The following HSF2 variants were observed in gnomAD, a reference collection of about 807,000 sequenced individuals.
HSF2 encodes heat shock transcription factor 2.
In HSF2, 21 loss-of-function variants were observed where a neutral mutation model predicts 65.0. The ratio of observed to expected loss-of-function variants is 0.32; its 90% CI spans 0.23 to 0.47. The LOEUF (loss-of-function observed/expected upper bound fraction) is 0.47, where lower values mean the gene tolerates loss of function less well. Among genes scored for constraint, HSF2 ranks in the 20% least tolerant of loss-of-function variants. HSF2 has a pLI of 1.00. For synonymous variants in HSF2, 225 were observed against 219.1 expected, an observed-to-expected ratio of 1.03 and a Z score of -0.24; for missense variants, 499 against 628.1, an observed-to-expected ratio of 0.79 and a Z score of 2.20.
At chr6:122,420,854 G>A (rs1774220519) in intron 7 of HSF2, among the ~76,000 whole-genome samples, 1 of 150,528 alleles carries the variant, frequency 6.6e-6, no homozygotes, top group African/African-American at 2.4e-5. Flanking sequence ...TGGGACTATA[G>A]GTGTGTGCCA....
At chr6:122,400,137 G>T (rs969011942) in intron 1 of HSF2, among the ~76,000 whole-genome samples, 1 of 152,196 alleles carries the variant, frequency 6.6e-6, no homozygotes, top group South Asian at 2.1e-4. Context: ...GTCGCGAGGG[G>T]AATCGGCGAG....
chr6:122,422,402 C>T (rs1053920702), intron 8 of HSF2, 104 bp downstream of exon 8: 52 of 927,662 alleles, frequency 5.6e-5, no homozygotes, highest in Middle Eastern at 6.4e-4. Context: ...TAATCTTTCT[C>T]ACATTTGGAT....
At chr6:122,420,282 C>T (rs1317743639) in intron 7 of HSF2, 60 bp downstream of exon 7, 5 of 1,349,534 alleles carry the variant, frequency 3.7e-6, no homozygotes, top group Admixed American at 2.0e-5. Flanking sequence ...TTTATTATGG[C>T]AGTGTTTCAT....
At chr6:122,428,481 G>T (rs1774385901) in intron 11 of HSF2, among the ~76,000 whole-genome samples, 1 of 151,926 alleles carries the variant, frequency 6.6e-6, no homozygotes, top group South Asian at 2.1e-4. Flanking sequence ...CTTGGGCTTA[G>T]CAAGTGTTGA....
chr6:122,400,853 T>G (rs796940750), intron 1 of HSF2, among the ~76,000 whole-genome samples: 1 of 152,258 alleles, frequency 6.6e-6, no homozygotes, highest in African/African-American at 2.4e-5. Flanking sequence ...TGTGTAGTTC[T>G]TGAGAAGAAT....
At chr6:122,410,223 TAA>T (rs1332636356) in intron 1 of HSF2, among the ~76,000 whole-genome samples, 1 of 151,956 alleles carries the variant, frequency 6.6e-6, no homozygotes, top group African/African-American at 2.4e-5. Flanking sequence ...TTTTTTTAAT[TAA>T]GACAGAATTT....
intron 1 of HSF2, among the ~76,000 whole-genome samples, chr6:122,410,186 A>T (rs1423730573): frequency 6.6e-6 from 1 of 151,932 alleles, no homozygotes; most frequent in East Asian, 1.9e-4. Flanking sequence ...TTATGATAGC[A>T]TCAATTCATC....
In HSF2 at chr6:122,413,641, A is replaced by G. The variant is rs1168386120; in HGVS notation, c.447A>G (p.Glu149=). Residue 149 remains glutamate (E), a synonymous_variant, in exon 4 of 13, where the codon GAA becomes GAG. Transcript: ENST00000368455. ...AAACTATTGAGTCCAGGCTTTCTGAATTAAAAAGGTAAAGTGTTATTTCCA... is the reference window on the plus strand; with the variant it reads ...AAACTATTGAGTCCAGGCTTTCTGAGTTAAAAAGGTAAAGTGTTATTTCCA... ...KQETIESRLS[E]LKSENESLWK... 2 of 1,603,622 alleles carry G rather than the reference A, an allele frequency of 1.2e-6. No homozygotes were observed. The highest frequency in any genetic ancestry group is 1.7e-6 in the Non-Finnish European group (2 of 1,172,190).
At chr6:122,404,700 A>G (rs1773824708) in intron 1 of HSF2, among the ~76,000 whole-genome samples, 1 of 152,220 alleles carries the variant, frequency 6.6e-6, no homozygotes. Flanking sequence ...CTCACTCAGT[A>G]GTAGTTTTCT....
chr6:122,413,570 T>G lies in HSF2; in HGVS notation c.376T>G (p.Leu126Val), dbSNP rs765283128. The G allele has an allele frequency of 6.3e-7, 1 of 1,593,744 alleles. No homozygotes were observed. The highest frequency in any genetic ancestry group is 2.2e-5 in the East Asian group (1 of 44,696). Reference protein sequence around the residue: ...PEENKIRQEDLTKIISSAQKV... With the variant: ...PEENKIRQEDVTKIISSAQKV... ...AGAAAATAAAATTCGTCAGGAAGAT[T>G]TAACAAAAATTATAAGTAGTGCTCA... Residue 126 changes from leucine (L) to valine (V), a missense_variant, in exon 4 of 13, where the codon TTA (leucine) becomes GTA (valine). Coordinates refer to ENST00000368455, the MANE Select transcript of HSF2 (RefSeq NM_004506.4).
At chr6:122,400,542 C>G (rs1729452611) in intron 1 of HSF2, among the ~76,000 whole-genome samples, 1 of 152,156 alleles carries the variant, frequency 6.6e-6, no homozygotes, top group Admixed American at 6.5e-5. Context: ...CAGTTACCAG[C>G]AGAGGGGCAT....
intron 1 of HSF2, among the ~76,000 whole-genome samples, chr6:122,411,782 T>G (rs906941775): frequency 6.6e-6 from 1 of 151,922 alleles, no homozygotes; most frequent in Non-Finnish European, 1.5e-5. Context: ...TCTATATGTT[T>G]GTCAGTATGC....
intron 7 of HSF2, among the ~76,000 whole-genome samples, chr6:122,420,893 G>A (rs1774221230): frequency 6.6e-6 from 1 of 150,442 alleles, no homozygotes; most frequent in Admixed American, 6.6e-5. Context: ...TGTATATTTT[G>A]TAGTGATGGA....
At chr6:122,416,514 G>A (rs9375134) in intron 5 of HSF2, among the ~76,000 whole-genome samples, 1 of 152,116 alleles carries the variant, frequency 6.6e-6, no homozygotes, top group Admixed American at 6.5e-5. Flanking sequence ...CATACTCGCA[G>A]ATAATGTCTC....
chr6:122,406,658 CAATT>C (rs778380347), intron 1 of HSF2, among the ~76,000 whole-genome samples: 22 of 152,096 alleles, frequency 1.4e-4, no homozygotes, highest in Admixed American at 8.5e-4. Context: ...GGAGGAACGA[CAATT>C]AAAAATGATT....
At chr6:122,416,833 G>A (rs1329605637) in intron 5 of HSF2, among the ~76,000 whole-genome samples, 1 of 152,168 alleles carries the variant, frequency 6.6e-6, no homozygotes, top group Admixed American at 6.5e-5. Context: ...TATCTGAGCT[G>A]AAAATTTAAT....
chr6:122,410,120 C>G (rs1185316546), intron 1 of HSF2, among the ~76,000 whole-genome samples: 2 of 151,842 alleles, frequency 1.3e-5, no homozygotes, highest in African/African-American at 2.4e-5. Context: ...TCAATATTTT[C>G]TTTCCTGTTG....
chr6:122,400,296 A>G (rs1295224875), intron 1 of HSF2, among the ~76,000 whole-genome samples: 1 of 152,124 alleles, frequency 6.6e-6, no homozygotes, highest in Admixed American at 6.5e-5. Context: ...TCAGCGACCG[A>G]TCACCCCCAG....
At chr6:122,406,171 A>G (rs1329654178) in intron 1 of HSF2, among the ~76,000 whole-genome samples, 1 of 152,242 alleles carries the variant, frequency 6.6e-6, no homozygotes, top group Admixed American at 6.5e-5. Context: ...ATGCTTGTAG[A>G]GCAGACAATG....
Sources: allele counts gnomAD v4.1 joint callset (sites outside exome capture counted in the v4.1 genomes callset), GRCh38; gene constraint gnomAD v4.1.1; transcripts MANE v1.5; gene names NCBI Gene and HGNC (gene_info 2026-07-23, HGNC 2026-07-21).